The following KRT4 variants were observed in gnomAD, a reference collection of about 807,000 sequenced individuals.
KRT4 encodes keratin, type II cytoskeletal 4.
A neutral mutation model predicts 50.6 loss-of-function variants in KRT4; 47 were observed. That is an observed-to-expected ratio of 0.93 (90% CI 0.73 to 1.18). The LOEUF is 1.18. Among genes scored for constraint, KRT4 ranks in the 50% most tolerant of loss-of-function variants. The pLI, the probability that KRT4 is intolerant of heterozygous loss-of-function variation, is 0.00. For synonymous variants in KRT4, 254 were observed against 251.2 expected (o/e 1.01, Z -0.10); for missense variants, 651 against 645.7 (o/e 1.01, Z -0.09).
At chr12:52,813,281 A>G (rs1939943181) in intron 1 of KRT4, among the ~76,000 whole-genome samples, 1 of 152,216 alleles carries the variant, frequency 6.6e-6, no homozygotes, top group Admixed American at 6.5e-5. Flanking sequence ...CCAAAATCTG[A>G]GAAAAAGCAG....
Position 52,813,717 on chromosome 12 carries a change from G to A in KRT4, c.342C>T (p.Ile114=). 6.2e-7 allele frequency: 1 copy of A among 1,614,132 alleles called. No individual in the cohort carries two copies. Among genetic ancestry groups the A allele is most frequent in the African/African-American group, 1.3e-5 (1 of 75,050 alleles). ...GGAGGGGGGTGAGCAAGCTCTGGTT[G>A]ATGGTGACCTCCTGAATTCCCCCAG... ...CPAGGIQEVT[I]NQSLLTPLHV... The change falls in exon 1 of 9, where the codon ATC becomes ATT. Residue 114 remains isoleucine, a synonymous_variant. Coordinates refer to ENST00000551956, the MANE Select transcript of KRT4 (RefSeq NM_002272.4).
chr12:52,808,449 G>C, intron 5 of KRT4, 30 bp from the exon 6 acceptor site: 1 of 1,612,662 alleles, frequency 6.2e-7, no homozygotes, highest in Non-Finnish European at 8.5e-7. Flanking sequence ...AGAGAACCAG[G>C]TGTTAGGGGC....
At position 52,809,363 on chromosome 12, in the gene KRT4, G is replaced by C; in HGVS notation, c.834+20C>G. 6.4e-7 allele frequency: 1 copy of C among 1,557,392 alleles called. No homozygotes were observed. The highest frequency in any genetic ancestry group is 8.9e-7 in the Non-Finnish European group (1 of 1,128,214). On this transcript the variant is annotated intron_variant, in intron 4 of 8. Coordinates refer to ENST00000551956, the MANE Select transcript of KRT4 (RefSeq NM_002272.4). ...GGGGGATTCCCTTTCCCTGGATGGA[G>C]GGGAGGATGGAGCCCTCACCGCATC...
chr12:52,811,659 C>A, intron 2 of KRT4, 104 bp downstream of exon 2: 1 of 917,946 alleles, frequency 1.1e-6, no homozygotes, highest in Non-Finnish European at 1.8e-6. Context: ...CCTTCCTAGA[C>A]GCCTTCAGAG....
Position 52,813,599 on chromosome 12 carries a change from T to C in KRT4, c.460A>G (p.Lys154Glu). 1 of 1,613,652 alleles carries C rather than the reference T, an allele frequency of 6.2e-7. No individual in the cohort carries two copies. The highest frequency in any genetic ancestry group is 8.5e-7 in the Non-Finnish European group (1 of 1,179,744). Residue 154 changes from lysine to glutamate, a missense_variant and splice_region_variant, in exon 1 of 9, where the codon AAG (lysine) becomes GAG (glutamate). Transcript: ENST00000551956. ...CTCCAGCCGAGGACACAGCTCACCT[T>C]GTCGATGAAGGAGGCAAACTTGTTG... ...LNNKFASFID[K>E]VQFLEQQNKV...
rs768203955 is a variant in KRT4 at position 52,807,074 on chromosome 12, G to T, written c.1558C>A (p.Arg520=). Residue 520 remains arginine, a synonymous_variant, in exon 9 of 9, where the codon CGA becomes AGA. Coordinates refer to ENST00000551956, the MANE Select transcript of KRT4 (RefSeq NM_002272.4). ...IISTTTLNKR[R] is the part of the protein sequence containing the mutation. Reference sequence around the variant, plus strand: ...CTGCAGGGACCTCGTCTCCTCTATCGTCTCTTGTTCAGGGTGGTGGTAGAG... The same window carrying T: ...CTGCAGGGACCTCGTCTCCTCTATCTTCTCTTGTTCAGGGTGGTGGTAGAG... 2 of 1,614,064 alleles carry T rather than the reference G, an allele frequency of 1.2e-6. No homozygotes were observed. The highest frequency in any genetic ancestry group is 1.1e-5 in the South Asian group (1 of 91,062).
intron 3 of KRT4, 76 bp from the exon 4 acceptor site, chr12:52,809,554 C>T: frequency 1.0e-6 from 1 of 993,232 alleles, no homozygotes. Flanking sequence ...GTGACACCGA[C>T]AGGTGTTCTC....
Position 52,807,071 on chromosome 12 carries a change from A to G in KRT4, c.1561T>C (p.Ter521GlnextTer69), listed in dbSNP as rs1939809099. Residue 521 changes from the stop codon to glutamine, a stop_lost, in exon 9 of 9, where the codon TAG (stop) becomes CAG (glutamine). Transcript: ENST00000551956. ...ISTTTLNKRR[*>Q] is the part of the protein sequence containing the mutation. ...GAGCTGCAGGGACCTCGTCTCCTCT[A>G]TCGTCTCTTGTTCAGGGTGGTGGTA... 3 of 1,614,096 alleles carry G rather than the reference A, an allele frequency of 1.9e-6. No homozygotes were observed. The highest frequency in any genetic ancestry group is 2.2e-5 in the East Asian group (1 of 44,856).
At chr12:52,812,192 T>C (rs1401339454) in intron 1 of KRT4, among the ~76,000 whole-genome samples, 2 of 152,112 alleles carry the variant, frequency 1.3e-5, no homozygotes, top group Non-Finnish European at 2.9e-5. Flanking sequence ...ACATAGGTTG[T>C]GGAGAATAGA....
chr12:52,811,881 G>C lies in KRT4; in HGVS notation c.559C>G (p.Leu187Val). ...TTTSSKNLEP[L>V]FETYLSVLRK... ...AGGACACTGAGGTAGGTCTCAAAGA[G>C]GGGCTCAAGGTTTTTGCTGGAGGTG... is the stretch of plus-strand genomic sequence containing the variant. Residue 187 changes from leucine to valine, a missense_variant, in exon 2 of 9, where the codon CTC becomes GTC. Physicochemically the swap from Leu to Val is conservative, Grantham distance 32. Transcript: ENST00000551956. 6.2e-7 allele frequency: 1 copy of C among 1,614,086 alleles called. No homozygotes were observed. Among genetic ancestry groups the C allele is most frequent in the East Asian group, 2.2e-5 (1 of 44,882 alleles).
rs534019513 is a variant in KRT4, at chr12:52,807,213, G to T, written c.1419C>A (p.Ser473Arg). Residue 473 changes from serine (S) to arginine (R), a missense_variant, in exon 9 of 9, where the codon AGC becomes AGA. Transcript: ENST00000551956. ...VSGSTSTGGI[S>R]GGLGSGSGFG... ...ACCCGGAGCCACTTCCTAATCCTCC[G>T]CTGATGCCTCCAGTGCTGGTGCTAC... 2.5e-6 allele frequency: 4 copies of T among 1,614,060 alleles called. No individual in the cohort carries two copies. The African/African-American group carries it at 5.3e-5, about 22-fold the overall frequency.
At position 52,807,087 on chromosome 12, in the gene KRT4, G is replaced by T; in HGVS notation, c.1545C>A (p.Thr515=). Reference sequence around the variant, plus strand: ...GTCTCCTCTATCGTCTCTTGTTCAGGGTGGTGGTAGAGATGATCTTGCTGC... The same window carrying T: ...GTCTCCTCTATCGTCTCTTGTTCAGTGTGGTGGTAGAGATGATCTTGCTGC... ...SSSSKIISTT[T]LNKRR Residue 515 remains threonine, a synonymous_variant, in exon 9 of 9, where the codon ACC becomes ACA. Coordinates refer to ENST00000551956, the MANE Select transcript of KRT4 (RefSeq NM_002272.4). 1 of 1,614,114 alleles carries T rather than the reference G, an allele frequency of 6.2e-7. No homozygotes were observed. The highest frequency in any genetic ancestry group is 1.3e-5 in the African/African-American group (1 of 75,012).
chr12:52,808,999 T>C, intron 4 of KRT4, 149 bp from the exon 5 acceptor site: 2 of 864,592 alleles, frequency 2.3e-6, no homozygotes, highest in Non-Finnish European at 3.8e-6. Context: ...GTTGTGACAG[T>C]TCAGGATGGA....
intron 2 of KRT4, chr12:52,811,462 T>C (rs1433103070): frequency 2.5e-6 from 1 of 393,240 alleles, no homozygotes; most frequent in Non-Finnish European, 4.8e-6. Context: ...TCCATCTGTC[T>C]CTACAGTCTG....
rs764216257 is a variant in KRT4 at position 52,807,134 on chromosome 12, C to T, written c.1498G>A (p.Gly500Ser). The T allele has an allele frequency of 3.1e-6, 5 of 1,614,054 alleles. No individual in the cohort carries two copies. The African/African-American group carries it at 4.0e-5, about 13-fold the overall frequency. The change falls in exon 9 of 9, where the codon GGC becomes AGC. Residue 500 changes from glycine to serine, a missense_variant. Transcript: ENST00000551956. ...CTGCTGGAACTGCCAGAGACACTGCCACCAAACCCAAAGCCACTTCCAGAG... is the reference window on the plus strand; with the variant it reads ...CTGCTGGAACTGCCAGAGACACTGCTACCAAACCCAAAGCCACTTCCAGAG... ...SGSGSGFGFG[G>S]SVSGSSSSKI...
At chr12:52,807,545 C>G in intron 7 of KRT4, 99 bp downstream of exon 7, 1 of 1,502,330 alleles carries the variant, frequency 6.7e-7, no homozygotes, top group Non-Finnish European at 9.3e-7. Flanking sequence ...CGTAATGCAC[C>G]GGCACAACAC....
Position 52,814,012 on chromosome 12 carries a change from C to G in KRT4, c.47G>C (p.Ser16Thr). The change falls in exon 1 of 9, where the codon AGC (serine) becomes ACC (threonine). Residue 16 changes from serine (S) to threonine (T), a missense_variant. Ser to Thr is a moderately conservative substitution (Grantham distance 58). Coordinates refer to ENST00000551956, the MANE Select transcript of KRT4 (RefSeq NM_002272.4). ...ACCGCCTACAATGGCCGAGCCACAG[C>G]TGAAGCCCCGGGGCCCGCCTCGGAC... is the stretch of plus-strand genomic sequence containing the variant. ...QCVRGGPRGF[S>T]CGSAIVGGGK... The G allele has an allele frequency of 6.2e-7, 1 of 1,614,140 alleles. No individual in the cohort carries two copies. The highest frequency in any genetic ancestry group is 1.1e-5 in the South Asian group (1 of 91,088).
chr12:52,808,029 C>T (rs551338210), intron 6 of KRT4, among the ~76,000 whole-genome samples, 165 bp from the exon 7 acceptor site: 1 of 152,270 alleles, frequency 6.6e-6, no homozygotes, highest in South Asian at 2.1e-4. Context: ...CCAGCCATAG[C>T]CCACCAATGC....
rs746098334 is a variant in KRT4 at position 52,807,736 on chromosome 12, C to A, written c.1254G>T (p.Met418Ile). 6.2e-7 allele frequency: 1 copy of A among 1,614,240 alleles called. No homozygotes were observed. The highest frequency in any genetic ancestry group is 1.1e-5 in the South Asian group (1 of 91,086). ...TCATGAGCTCCTGGTACTCACGCAG[C>A]ATTCGTGCCAGCTCCTCCTTGGCCT... ...LQQAKEELAR[M>I]LREYQELMSV... is the part of the protein sequence containing the mutation. The change falls in exon 7 of 9, where the codon ATG becomes ATT. Residue 418 changes from methionine to isoleucine, a missense_variant. Transcript: ENST00000551956.
Sources: gnomAD v4.1 joint callset for allele counts (sites outside exome capture counted in the v4.1 genomes callset) on GRCh38, gnomAD v4.1.1 for gene constraint, MANE v1.5 for transcripts, NCBI Gene and HGNC (gene_info 2026-07-23, HGNC 2026-07-21) for gene names.